The following TOGARAM2 variants were observed in gnomAD, a reference collection of about 807,000 sequenced individuals.
TOGARAM2 encodes TOG array regulator of axonemal microtubules protein 2.
A neutral mutation model predicts 93.3 loss-of-function variants in TOGARAM2; 85 were observed. The ratio of observed to expected loss-of-function variants is 0.91; its 90% confidence interval spans 0.76 to 1.09. The LOEUF (loss-of-function observed/expected upper bound fraction) is 1.09, where lower values mean the gene tolerates loss of function less well. TOGARAM2 is among the 50% of genes least tolerant of loss of function. The probability of loss-of-function intolerance (pLI) is 0.00; values close to 1 mark genes in which losing one functional copy is unlikely to be tolerated. For synonymous variants in TOGARAM2, 593 were observed against 552.8 expected (o/e 1.07, Z -1.02); for missense variants, 1,277 against 1,334.5 (o/e 0.96, Z 0.67).
At chr2:28,960,325 C>T (rs896067632) in intron 1 of TOGARAM2, among the ~76,000 whole-genome samples, 11 of 152,142 alleles carry the variant, frequency 7.2e-5, no homozygotes, top group Admixed American at 4.6e-4. Flanking sequence ...CTCTGAAGCT[C>T]CAAACCGTAA....
At chr2:28,973,218 C>A (rs926503410) in intron 1 of TOGARAM2, among the ~76,000 whole-genome samples, 11 of 152,182 alleles carry the variant, frequency 7.2e-5, no homozygotes, top group African/African-American at 2.7e-4. Flanking sequence ...AGCACCTCCC[C>A]CGAGGCTCTA....
chr2:29,011,825 G>C (rs1194251903), intron 7 of TOGARAM2, among the ~76,000 whole-genome samples: 3 of 152,338 alleles, frequency 2.0e-5, no homozygotes. Context: ...GCACACGAAG[G>C]CTCTGTGAGC....
chr2:28,982,677 C>T (rs1177307864), intron 1 of TOGARAM2, among the ~76,000 whole-genome samples: 1 of 152,308 alleles, frequency 6.6e-6, no homozygotes, highest in African/African-American at 2.4e-5. Context: ...GGCAGCGCAT[C>T]CTCCCATTGA....
rs201148338 is a variant in TOGARAM2 at position 29,017,265 on chromosome 2, T to C, written c.1156T>C (p.Ser386Pro). The C allele has an allele frequency of 1.8e-3, 2,937 of 1,612,936 alleles. 55 individuals are homozygous for C. The African/African-American group carries it at 0.035, about 19-fold the overall frequency. ...GCCCAGGACAGGGCAGGAGCTCACT[T>C]CCCAGTGCCTGGGCTCCCAGAGAGC... Reference protein sequence around the residue: ...EEPRTGQELTSQCLGSQRAFM... With the variant: ...EEPRTGQELTPQCLGSQRAFM... The change falls in exon 9 of 20, where the codon TCC (serine) becomes CCC (proline). Residue 386 changes from serine to proline, a missense_variant. Transcript: ENST00000379558.
upstream of TOGARAM2, among the ~76,000 whole-genome samples, chr2:28,977,657 G>T (rs984317247): frequency 6.6e-6 from 1 of 152,152 alleles, no homozygotes. Flanking sequence ...CCTGGCTGGC[G>T]CTGGTTCCAG....
rs1463702579 is a variant in TOGARAM2 at position 28,956,759 on chromosome 2, C to T, written c.-147+62C>T. 1 of 152,230 alleles carries T rather than the reference C, an allele frequency of 6.6e-6. No individual in the cohort carries two copies. The highest frequency in any genetic ancestry group is 1.5e-5 in the Non-Finnish European group (1 of 68,044). The allele number at this position is 152,230 out of a possible 1,614,324, so 9.4% of individuals were successfully genotyped here. On this transcript the variant is annotated intron_variant, in intron 1 of 6. Coordinates refer to the TOGARAM2 transcript ENST00000401723. The surrounding 1 kb of genome is among the most constrained non-coding windows in gnomAD (Gnocchi z 4.5). The stretch of plus-strand genomic sequence containing the variant: ...CATGTACCTTAAATTTCAATAGATT[C>T]CGTCAAATTGCCTCTCAGTATGGCT...
chr2:29,021,404 G>C (rs1037241444), intron 10 of TOGARAM2, among the ~76,000 whole-genome samples: 4 of 152,206 alleles, frequency 2.6e-5, no homozygotes, highest in African/African-American at 9.6e-5. Flanking sequence ...CAGAGGAGCC[G>C]AGGGGCTGTG....
intron 6 of TOGARAM2, among the ~76,000 whole-genome samples, chr2:29,005,917 G>C (rs962633266): frequency 1.3e-5 from 2 of 148,450 alleles, no homozygotes; most frequent in South Asian, 4.3e-4. Flanking sequence ...GTGTGTAAGT[G>C]CATGTGTGTG....
chr2:28,965,700 T>A (rs1390704555), intron 1 of TOGARAM2, among the ~76,000 whole-genome samples: 1 of 152,222 alleles, frequency 6.6e-6, no homozygotes, highest in Non-Finnish European at 1.5e-5. Context: ...TGGTGTTTTT[T>A]AAGCAAAGGC....
intron 8 of TOGARAM2, among the ~76,000 whole-genome samples, chr2:29,015,918 T>C (rs1664540513): frequency 6.6e-6 from 1 of 152,114 alleles, no homozygotes; most frequent in Non-Finnish European, 1.5e-5. Context: ...ACCCGCTAGG[T>C]CCTCATCCAG....
intron 14 of TOGARAM2, among the ~76,000 whole-genome samples, chr2:29,029,632 T>C (rs1466075673): frequency 6.7e-6 from 1 of 148,926 alleles, no homozygotes; most frequent in East Asian, 1.9e-4. Context: ...GGCGGGTGCC[T>C]GTAGTCCCAG....
intron 18 of TOGARAM2, among the ~76,000 whole-genome samples, chr2:29,043,792 C>G (rs1046752774): frequency 6.6e-6 from 1 of 152,302 alleles, no homozygotes; most frequent in African/African-American, 2.4e-5. Context: ...CTTAGCACAC[C>G]TTTCTAGGAC....
At chr2:29,040,959 G>T (rs1397446967) in intron 18 of TOGARAM2, among the ~76,000 whole-genome samples, 1 of 151,746 alleles carries the variant, frequency 6.6e-6, no homozygotes, top group Non-Finnish European at 1.5e-5. Context: ...TATACATTTG[G>T]ATTCGCATCC....
At chr2:29,007,745 A>T (rs6757697) in intron 6 of TOGARAM2, among the ~76,000 whole-genome samples, 111,906 of 151,788 alleles carry the variant, frequency 0.74, 42,753 homozygotes, top group Non-Finnish European at 0.85. Context: ...TGGCCTGACA[A>T]TCAGGGTCCA....
rs1665609238 is a variant in TOGARAM2 at position 29,029,344 on chromosome 2, T to A, written c.2012+2333T>A. 2.6e-5 allele frequency among the ~76,000 whole-genome samples: 4 copies of A among 151,622 alleles called. No homozygotes were observed. In the South Asian group the frequency reaches 8.3e-4, roughly 31 times the overall value. Reference sequence around the variant, plus strand: ...AGGAATGAATTAATGGCATTTGCAGTGACCTGGATGAGATTGGAGACTATT... The same window carrying A: ...AGGAATGAATTAATGGCATTTGCAGAGACCTGGATGAGATTGGAGACTATT... On this transcript the variant is annotated intron_variant, in intron 14 of 19. Transcript: ENST00000379558.
chr2:29,023,122 C>T lies in TOGARAM2; in HGVS notation c.1548C>T (p.Arg516=), dbSNP rs765142355. 19 of 1,601,758 alleles carry T rather than the reference C, an allele frequency of 1.2e-5. No individual in the cohort carries two copies. Among genetic ancestry groups the T allele is most frequent in the Non-Finnish European group, 1.3e-5 (15 of 1,174,382 alleles). ...MKEKGLVSIQ[R]LAACHSEVLT... is the part of the protein sequence containing the mutation. ...AGAAGGGTCTGGTGAGCATCCAGCGCTTGGCAGCCTGTCACTCAGAGGTCC... is the reference window on the plus strand; with the variant it reads ...AGAAGGGTCTGGTGAGCATCCAGCGTTTGGCAGCCTGTCACTCAGAGGTCC... The change falls in exon 12 of 20, where the codon CGC becomes CGT. Residue 516 remains arginine (R), a synonymous_variant. Transcript: ENST00000379558.
intron 4 of TOGARAM2, among the ~76,000 whole-genome samples, chr2:29,002,098 A>G (rs944723908): frequency 6.6e-6 from 1 of 152,152 alleles, no homozygotes; most frequent in Non-Finnish European, 1.5e-5. Context: ...CCACATCACC[A>G]GCCGAAAAGG....
At chr2:28,973,194 G>T (rs1330790468) in intron 1 of TOGARAM2, among the ~76,000 whole-genome samples, 2 of 152,114 alleles carry the variant, frequency 1.3e-5, no homozygotes, top group Non-Finnish European at 2.9e-5. Context: ...GCATTTCCCT[G>T]CAGGGCCTGG....
At chr2:28,973,432 C>CTTCCCTTCCCTTTCCTTCT (rs1671979920) in intron 1 of TOGARAM2, among the ~76,000 whole-genome samples, 1 of 75,174 alleles carries the variant, frequency 1.3e-5, no homozygotes, top group Non-Finnish European at 3.2e-5. Context: ...TCCTCCCTTC[C>CTTCCCTTCCCTTTCCTTCT]TTCCCTTCCC....
Sources: allele counts gnomAD v4.1 joint callset (sites outside exome capture counted in the v4.1 genomes callset), GRCh38; gene constraint gnomAD v4.1.1; non-coding constraint Gnocchi (gnomAD v3.1); transcripts MANE v1.5; gene names NCBI Gene and HGNC (gene_info 2026-07-23, HGNC 2026-07-21).